CDH13: variants seen among roughly 807,000 people sequenced by gnomAD.
CDH13 encodes the protein cadherin 13.
A neutral mutation model predicts 63.8 loss-of-function variants in CDH13; 24 were observed. The observed-to-expected ratio is 0.38, with a 90% CI of 0.27 to 0.53. The LOEUF (loss-of-function observed/expected upper bound fraction) is 0.53. CDH13 is among the 20% of genes least tolerant of loss of function. The probability of loss-of-function intolerance (pLI) is 0.85; values close to 1 mark genes in which losing one functional copy is unlikely to be tolerated. For synonymous variants in CDH13, 503 were observed against 355.3 expected (o/e 1.42, Z -4.67); for missense variants, 1,049 against 903.1 (o/e 1.16, Z -2.07).
chr16:82,967,107 G>C (rs936482514), intron 2 of CDH13, among the ~76,000 whole-genome samples: 3 of 152,110 alleles, frequency 2.0e-5, no homozygotes, highest in African/African-American at 7.2e-5. Context: ...AGGTTGGTTA[G>C]TTTGTTCGGT....
At chr16:83,155,907 C>T (rs1283976270) in intron 4 of CDH13, among the ~76,000 whole-genome samples, 1 of 152,200 alleles carries the variant, frequency 6.6e-6, no homozygotes, top group African/African-American at 2.4e-5. Context: ...AAGACACACC[C>T]CAGATGCACC....
intron 1 of CDH13, among the ~76,000 whole-genome samples, chr16:82,638,823 T>TGTGTGTGTGTGTGTGTGCGCGCGCGCGC (rs139451683): frequency 3.3e-5 from 5 of 150,790 alleles, no homozygotes; most frequent in Admixed American, 1.3e-4. Context: ...GGGCAGTGTG[T>TGTGTGTGTGTGTGTGTGCGCGCGCGCGC]GCGTGTGTGC....
intron 13 of CDH13, among the ~76,000 whole-genome samples, chr16:83,792,122 G>T (rs551859936): frequency 3.0e-4 from 45 of 152,190 alleles, no homozygotes; most frequent in Non-Finnish European, 5.9e-4. Flanking sequence ...ACGTATTATG[G>T]ACAGACACGG....
chr16:83,667,414 A>G (rs951812260), intron 8 of CDH13, among the ~76,000 whole-genome samples: 9 of 151,788 alleles, frequency 5.9e-5, no homozygotes, highest in Admixed American at 2.0e-4. Context: ...CCACCCACCT[A>G]CCCATCCATC....
chr16:82,935,155 C>T (rs771841166), intron 2 of CDH13, among the ~76,000 whole-genome samples: 1 of 152,288 alleles, frequency 6.6e-6, no homozygotes, highest in East Asian at 1.9e-4. Flanking sequence ...GCCTCATGAA[C>T]TTACAATGAT....
chr16:82,656,053 C>T (rs1475303179), intron 1 of CDH13, among the ~76,000 whole-genome samples: 1 of 152,094 alleles, frequency 6.6e-6, no homozygotes, highest in African/African-American at 2.4e-5. Context: ...GCTGGTCTAG[C>T]AAAAGGAACT....
In CDH13 at chr16:83,267,567, A is replaced by G. The variant is rs573506446; in HGVS notation, c.636+50070A>G. Reference sequence around the variant, plus strand: ...GGTCATGGGGGCTCCACCCTCATGAATAGATGAATGCTGTTATCTCAGGAG... The same window carrying G: ...GGTCATGGGGGCTCCACCCTCATGAGTAGATGAATGCTGTTATCTCAGGAG... On this transcript the variant is annotated intron_variant, in intron 5 of 13. Transcript: ENST00000567109. Among the ~76,000 whole-genome samples the G allele has an allele frequency of 9.2e-5, 14 of 152,298 alleles. No individual in the cohort carries two copies. The South Asian group carries it at 2.5e-3, about 27-fold the overall frequency.
In CDH13 at chr16:83,363,377, A is replaced by T. The variant is rs115113573; in HGVS notation, c.781+18371A>T. ...ACATATGTGAGTATGCATGTGTGCA[A>T]GTATGTGTGTATACATGCATTGTGG... On this transcript the variant is annotated intron_variant, in intron 6 of 13. Coordinates refer to ENST00000567109, the MANE Select transcript of CDH13 (RefSeq NM_001257.5). Among the ~76,000 whole-genome samples the T allele has an allele frequency of 9.7e-3, 1,480 of 152,336 alleles. 18 individuals are homozygous for T. The highest frequency in any genetic ancestry group is 0.033 in the African/African-American group (1,371 of 41,566).
intron 3 of CDH13, among the ~76,000 whole-genome samples, chr16:83,039,204 TG>T (rs529298223): frequency 2.0e-5 from 3 of 152,240 alleles, no homozygotes; most frequent in Non-Finnish European, 2.9e-5. Flanking sequence ...CAAATGCACC[TG>T]ATCACTTCGC....
chr16:83,792,796 CA>C (rs1916361755), intron 13 of CDH13, among the ~76,000 whole-genome samples: 1 of 152,208 alleles, frequency 6.6e-6, no homozygotes, highest in Non-Finnish European at 1.5e-5. Flanking sequence ...GTATCCAACC[CA>C]AAACAACATC....
chr16:83,242,225 C>T (rs1271461413), intron 5 of CDH13, among the ~76,000 whole-genome samples: 1 of 152,060 alleles, frequency 6.6e-6, no homozygotes, highest in Non-Finnish European at 1.5e-5. Flanking sequence ...TTTTGATTAC[C>T]ATTGCTTTGT....
chr16:83,544,637 T>A (rs1442109583), intron 7 of CDH13, among the ~76,000 whole-genome samples: 1 of 152,160 alleles, frequency 6.6e-6, no homozygotes, highest in Non-Finnish European at 1.5e-5. Context: ...AAGACTAGAA[T>A]TCAAAATTTG....
chr16:83,488,999 C>G (rs2073953399), intron 7 of CDH13, among the ~76,000 whole-genome samples: 2 of 152,256 alleles, frequency 1.3e-5, no homozygotes, highest in East Asian at 3.9e-4. Context: ...GCTCTCTATT[C>G]CCCACTTGAC....
chr16:82,833,185 G>A (rs1312598987), intron 1 of CDH13, among the ~76,000 whole-genome samples: 2 of 152,132 alleles, frequency 1.3e-5, no homozygotes, highest in Admixed American at 6.5e-5. Context: ...CAAATGTTTC[G>A]GATATTCAGG....
intron 5 of CDH13, among the ~76,000 whole-genome samples, chr16:83,341,241 T>G (rs910734886): frequency 1.3e-5 from 2 of 152,210 alleles, no homozygotes; most frequent in African/African-American, 4.8e-5. Context: ...TTGTGTGCTT[T>G]GGGTATTTCA....
At chr16:83,269,600 A>T (rs145672670) in intron 5 of CDH13, among the ~76,000 whole-genome samples, 1 of 152,302 alleles carries the variant, frequency 6.6e-6, no homozygotes, top group Non-Finnish European at 1.5e-5. Flanking sequence ...ACTCCACCCC[A>T]AAAGAATGAG....
At chr16:82,794,270 A>G (rs1200880363) in intron 1 of CDH13, among the ~76,000 whole-genome samples, 9 of 151,114 alleles carry the variant, frequency 6.0e-5, no homozygotes, top group African/African-American at 1.9e-4. Context: ...GGCCCAGGGA[A>G]GCCAAAAATT....
At chr16:82,968,737 T>C (rs1597322681) in intron 2 of CDH13, among the ~76,000 whole-genome samples, 1 of 152,150 alleles carries the variant, frequency 6.6e-6, no homozygotes. Context: ...CTAGCATCAG[T>C]CATATGGTGT....
At chr16:83,138,703 G>A (rs557196590) in intron 4 of CDH13, among the ~76,000 whole-genome samples, 78 of 152,278 alleles carry the variant, frequency 5.1e-4, no homozygotes, top group African/African-American at 1.8e-3. Flanking sequence ...GGAATCACAC[G>A]ATCAGATTTG....
Sources: gnomAD v4.1 joint callset for allele counts (sites outside exome capture counted in the v4.1 genomes callset) on GRCh38, gnomAD v4.1.1 for gene constraint, MANE v1.5 for transcripts, NCBI Gene and HGNC (gene_info 2026-07-23, HGNC 2026-07-21) for gene names.